DGKG: variants seen among roughly 807,000 people sequenced by gnomAD.
The protein encoded by DGKG is diacylglycerol kinase gamma.
A neutral mutation model predicts 105.3 loss-of-function variants in DGKG; 78 were observed. The observed-to-expected ratio is 0.74, with a 90% CI of 0.62 to 0.89. The LOEUF is 0.89. DGKG is among the 40% of genes least tolerant of loss of function. The pLI is 0.00. For synonymous variants in DGKG, 346 were observed against 367.1 expected (o/e 0.94, Z 0.66); for missense variants, 958 against 1,020.1 (o/e 0.94, Z 0.83).
intron 18 of DGKG, 120 bp from the exon 19 acceptor site, chr3:186,252,039 G>C: frequency 2.2e-6 from 2 of 927,744 alleles, no homozygotes; most frequent in Non-Finnish European, 3.1e-6. Flanking sequence ...TCCCCACTGT[G>C]TCTGTGGGCT....
intron 1 of DGKG, among the ~76,000 whole-genome samples, chr3:186,328,084 T>G (rs1725434416): frequency 6.6e-6 from 1 of 152,238 alleles, no homozygotes; most frequent in Non-Finnish European, 1.5e-5. Context: ...CATTATGGCC[T>G]GACAAACACA....
intron 19 of DGKG, among the ~76,000 whole-genome samples, chr3:186,243,465 T>C (rs965445194): frequency 2.0e-5 from 3 of 152,148 alleles, no homozygotes; most frequent in Non-Finnish European, 2.9e-5. Context: ...CTCCACACCG[T>C]GGCCATCTCG....
chr3:186,169,850 A>G (rs1290300577), intron 22 of DGKG, among the ~76,000 whole-genome samples: 1 of 152,246 alleles, frequency 6.6e-6, no homozygotes, highest in Non-Finnish European at 1.5e-5. Context: ...TGTGGGCAGG[A>G]GATGGCTGCA....
Position 186,149,721 on chromosome 3 carries a change from A to G in DGKG, c.*369T>C. 1 of 1,019,016 alleles carries G rather than the reference A, an allele frequency of 9.8e-7. No individual in the cohort carries two copies. The highest frequency in any genetic ancestry group is 1.2e-6 in the Non-Finnish European group (1 of 850,242). 63.1% of individuals were successfully genotyped at this position (1,019,016 alleles called of 1,614,324 possible). On this transcript the variant is annotated 3_prime_UTR_variant, in exon 25 of 25. Transcript: ENST00000265022. ...GGAAACCTGCAGCCTGCTCCTCGCG[A>G]GCGTCCATGAGGAAACTTGCAGGGC... is the stretch of plus-strand genomic sequence containing the variant.
In DGKG at chr3:186,286,892, G is replaced by C. The variant is rs113628521; in HGVS notation, c.544+1818C>G. 6.4e-4 allele frequency among the ~76,000 whole-genome samples: 97 copies of C among 152,136 alleles called. 1 individual carries two copies. The highest frequency in any genetic ancestry group is 2.2e-3 in the African/African-American group (93 of 41,516). On this transcript the variant is annotated intron_variant, in intron 6 of 24. Coordinates refer to ENST00000265022, the MANE Select transcript of DGKG (RefSeq NM_001346.3). Reference sequence around the variant, plus strand: ...CTACCAAAAATACAAAAAGTAGCTGGGCGTAGCGGCGGGCACCTGTAATCC... The same window carrying C: ...CTACCAAAAATACAAAAAGTAGCTGCGCGTAGCGGCGGGCACCTGTAATCC...
At chr3:186,322,488 C>T (rs1234640601) in intron 1 of DGKG, among the ~76,000 whole-genome samples, 1 of 152,096 alleles carries the variant, frequency 6.6e-6, no homozygotes, top group South Asian at 2.1e-4. Context: ...ATGCTTATTA[C>T]CTGAGTGACA....
chr3:186,310,809 A>G (rs149169424), intron 2 of DGKG, among the ~76,000 whole-genome samples: 1,647 of 152,304 alleles, frequency 0.011, 30 homozygotes, highest in African/African-American at 0.037. Flanking sequence ...CCCATTTTGT[A>G]GAGTGCTTAT....
chr3:186,288,560 T>G (rs1003410), intron 6 of DGKG, 150 bp downstream of exon 6: 397,615 of 747,506 alleles, frequency 0.53, 108,305 homozygotes, highest in East Asian at 0.79. Context: ...TCATATCACT[T>G]TTGGTAACAG....
In DGKG at chr3:186,320,690, C is replaced by T; in HGVS notation, c.-231G>A. ...CTCCTGTCTGTATTCAAGGTAAATT[C>T]AGAAGTCCTGGCTCTTCCTAGATAG... On this transcript the variant is annotated 5_prime_UTR_variant, in exon 2 of 25. Coordinates refer to ENST00000265022, the MANE Select transcript of DGKG (RefSeq NM_001346.3). 1 of 510,230 alleles carries T rather than the reference C, an allele frequency of 2.0e-6. No individual in the cohort carries two copies. 31.6% of individuals were successfully genotyped at this position (510,230 alleles called of 1,614,324 possible).
chr3:186,274,914 G>T (rs886536517), intron 10 of DGKG, among the ~76,000 whole-genome samples: 1 of 152,100 alleles, frequency 6.6e-6, no homozygotes, highest in African/African-American at 2.4e-5. Context: ...GTAATGGGAT[G>T]GCTGGGTCAA....
At chr3:186,301,777 A>G (rs1723933265) in intron 3 of DGKG, among the ~76,000 whole-genome samples, 1 of 152,232 alleles carries the variant, frequency 6.6e-6, no homozygotes, top group African/African-American at 2.4e-5. Context: ...AGAAGGCCTA[A>G]TATGCAGTGT....
intron 20 of DGKG, among the ~76,000 whole-genome samples, chr3:186,229,353 G>A (rs533660405): frequency 7.1e-4 from 108 of 151,886 alleles, no homozygotes; most frequent in African/African-American, 2.5e-3. Flanking sequence ...TGATTCGCAT[G>A]CCTCAGCCTC....
At chr3:186,215,093 G>A (rs1391790350) in intron 20 of DGKG, among the ~76,000 whole-genome samples, 5 of 152,160 alleles carry the variant, frequency 3.3e-5, no homozygotes, top group Admixed American at 2.6e-4. Flanking sequence ...GGGTGGGCAC[G>A]CCACACTCAG....
chr3:186,296,763 G>T (rs557726747), intron 5 of DGKG, among the ~76,000 whole-genome samples: 1 of 152,292 alleles, frequency 6.6e-6, no homozygotes, highest in South Asian at 2.1e-4. Context: ...CACACCAGTG[G>T]TATATAATCT....
At chr3:186,192,119 T>C (rs1349483112) in intron 21 of DGKG, among the ~76,000 whole-genome samples, 1 of 152,228 alleles carries the variant, frequency 6.6e-6, no homozygotes, top group African/African-American at 2.4e-5. Context: ...GTCATTCTCC[T>C]GCCTTGGACT....
chr3:186,191,561 G>C (rs1285352309), intron 21 of DGKG, among the ~76,000 whole-genome samples: 1 of 152,164 alleles, frequency 6.6e-6, no homozygotes, highest in Non-Finnish European at 1.5e-5. Context: ...TCCACCTTTG[G>C]CATCTTTTCT....
intron 19 of DGKG, among the ~76,000 whole-genome samples, chr3:186,249,196 TC>T (rs1180719314): frequency 6.6e-6 from 1 of 151,944 alleles, no homozygotes; most frequent in Non-Finnish European, 1.5e-5. Flanking sequence ...AGGGAAACAT[TC>T]CCCTCAGCTG....
chr3:186,292,515 C>T (rs779301058), intron 5 of DGKG, among the ~76,000 whole-genome samples: 2 of 152,080 alleles, frequency 1.3e-5, no homozygotes, highest in Admixed American at 6.6e-5. Context: ...GTCCCAAGGC[C>T]GGGCACGGTG....
At chr3:186,312,656 T>A (rs1042710190) in intron 2 of DGKG, among the ~76,000 whole-genome samples, 2 of 152,214 alleles carry the variant, frequency 1.3e-5, no homozygotes, top group Non-Finnish European at 2.9e-5. Context: ...AAATCTAGAT[T>A]TTCCTTCTTC....
Sources: allele counts gnomAD v4.1 joint callset (sites outside exome capture counted in the v4.1 genomes callset), GRCh38; gene constraint gnomAD v4.1.1; transcripts MANE v1.5; gene names NCBI Gene and HGNC (gene_info 2026-07-23, HGNC 2026-07-21).